Variants in RIPOR2 observed in about 807,000 individuals in gnomAD.
RIPOR2 encodes the protein rho family-interacting cell polarization regulator 2.
Under a neutral mutation model 114.5 loss-of-function variants are expected in RIPOR2, and 39 were observed. The observed-to-expected ratio is 0.34, with a 90% CI of 0.26 to 0.44. The LOEUF (loss-of-function observed/expected upper bound fraction) is 0.44, where lower values mean the gene tolerates loss of function less well. Ranked by LOEUF, RIPOR2 falls within the 20% of genes least tolerant of loss-of-function variation. The pLI is 1.00. For missense variants in RIPOR2, 1,007 were observed against 1,255.1 expected (o/e 0.80, Z 2.99); for synonymous variants, 445 against 484.4 (o/e 0.92, Z 1.07).
chr6:24,886,132 T>TACAC lies in RIPOR2; in HGVS notation c.62-10319_62-10316dup, dbSNP rs34756588. ...TTTACTTTGTCATTCCTCCTCCAAA[T>TACAC]ACACACACACACACACATTATTTTT... On this transcript the variant is annotated intron_variant, in intron 1 of 21. Transcript: ENST00000643898. Among the ~76,000 whole-genome samples, 1,196 of 151,248 alleles carry TACAC rather than the reference T, an allele frequency of 7.9e-3. 16 individuals are homozygous for TACAC. Among genetic ancestry groups the TACAC allele is most frequent in the African/African-American group, 0.025 (1,039 of 41,322 alleles).
chr6:24,840,052 C>T (rs1761531831), intron 13 of RIPOR2: 1 of 783,038 alleles, frequency 1.3e-6, no homozygotes, highest in South Asian at 5.5e-5. Context: ...CGGGCTTAAG[C>T]AATCCTCTCA....
At chr6:24,830,334 A>T (rs549525558) in intron 17 of RIPOR2, among the ~76,000 whole-genome samples, 175 bp downstream of exon 17, 2 of 152,290 alleles carry the variant, frequency 1.3e-5, no homozygotes, top group Non-Finnish European at 2.9e-5. Context: ...TTCTTTTCTT[A>T]AATCTGAGTA....
intron 1 of RIPOR2, among the ~76,000 whole-genome samples, chr6:24,926,301 G>A (rs1015332110): frequency 5.3e-5 from 8 of 152,194 alleles, no homozygotes; most frequent in Admixed American, 4.6e-4. Context: ...TACTGTTAAA[G>A]ATACGGTTAA....
chr6:24,870,794 G>A lies in RIPOR2; in HGVS notation c.447+72C>T, dbSNP rs186135449. 5.1e-4 allele frequency: 583 copies of A among 1,140,822 alleles called. 9 individuals are homozygous for A. The East Asian group carries it at 0.014, about 27-fold the overall frequency. 70.7% of individuals were successfully genotyped at this position (1,140,822 alleles called of 1,614,324 possible). A position where few individuals can be genotyped will look rare whatever the true frequency, so the allele number is the denominator to read the frequency against. ...CTCCCAAAGTGCTGGGATGACAGGCGTGAGCCACCGTGCCCAGCAAGGATG... is the reference window on the plus strand; with the variant it reads ...CTCCCAAAGTGCTGGGATGACAGGCATGAGCCACCGTGCCCAGCAAGGATG... On this transcript the variant is annotated intron_variant, in intron 5 of 21. Transcript: ENST00000643898.
intron 1 of RIPOR2, among the ~76,000 whole-genome samples, chr6:24,978,389 C>A (rs147484349): frequency 9.3e-4 from 141 of 152,180 alleles, no homozygotes; most frequent in African/African-American, 2.9e-3. Flanking sequence ...CCATACTGCT[C>A]GCATGAGTAT....
chr6:24,925,871 T>C (rs1019528792), intron 1 of RIPOR2, among the ~76,000 whole-genome samples: 3 of 152,206 alleles, frequency 2.0e-5, no homozygotes, highest in African/African-American at 7.2e-5. Flanking sequence ...TCTTTCTCTG[T>C]CCCATGTACA....
intron 1 of RIPOR2, among the ~76,000 whole-genome samples, chr6:24,884,259 A>C (rs2113940011): frequency 6.6e-6 from 1 of 152,092 alleles, no homozygotes; most frequent in East Asian, 1.9e-4. Flanking sequence ...AATACAAAAA[A>C]TTAGCCAGGC....
chr6:24,835,658 G>A (rs187056503), intron 15 of RIPOR2, 45 bp downstream of exon 15: 4 of 1,529,212 alleles, frequency 2.6e-6, no homozygotes, highest in Non-Finnish European at 3.5e-6. Context: ...TTCCTGGTAT[G>A]TAAATCACCT....
At chr6:24,846,713 T>C (rs1223705996) in intron 12 of RIPOR2, among the ~76,000 whole-genome samples, 1 of 152,188 alleles carries the variant, frequency 6.6e-6, no homozygotes, top group Non-Finnish European at 1.5e-5. Flanking sequence ...GTTTTATACA[T>C]CTGTGAAGAG....
rs1409233702 is a variant in RIPOR2 at position 24,848,143 on chromosome 6, A to G, written c.1046T>C (p.Val349Ala). 5.6e-6 allele frequency: 9 copies of G among 1,613,478 alleles called. No homozygotes were observed. Among genetic ancestry groups the G allele is most frequent in the Middle Eastern group, 1.7e-4 (1 of 6,060 alleles). Residue 349 changes from valine to alanine, a missense_variant, in exon 12 of 22, where the codon GTG (valine) becomes GCG (alanine). Transcript: ENST00000643898. ...NLEITWYPFD[V>A]EDMTASSGAG... ...GCCTGAGGATGCGGTCATGTCCTCC[A>G]CGTCAAATGGACTGCAAAACAACAG... is the stretch of plus-strand genomic sequence containing the variant.
chr6:24,854,301 T>C (rs1258441969), intron 8 of RIPOR2, among the ~76,000 whole-genome samples: 1 of 152,190 alleles, frequency 6.6e-6, no homozygotes, highest in African/African-American at 2.4e-5. Context: ...AATAGTTTCA[T>C]GGAGGAAAGT....
rs1306111591 is a variant in RIPOR2, at chr6:24,861,044, G to A, written c.652-8C>T. On this transcript the variant is annotated splice_polypyrimidine_tract_variant and splice_region_variant and intron_variant, in intron 7 of 21. Transcript: ENST00000643898. ...TTCAATGGTGCACATATTCTGCAAAGAGGACAGGAGACGATCATGAGAGCT... is the reference window on the plus strand; with the variant it reads ...TTCAATGGTGCACATATTCTGCAAAAAGGACAGGAGACGATCATGAGAGCT... 1 of 1,602,644 alleles carries A rather than the reference G, an allele frequency of 6.2e-7. No individual in the cohort carries two copies. Among genetic ancestry groups the A allele is most frequent in the South Asian group, 1.1e-5 (1 of 90,140 alleles).
chr6:24,811,657 C>CTTTTTTTTTTTTTTTTTTTTTTTT (rs1222503239), intron 20 of RIPOR2, among the ~76,000 whole-genome samples: 2 of 21,730 alleles, frequency 9.2e-5, no homozygotes, highest in Non-Finnish European at 1.4e-4. Context: ...TCGTTTAGTA[C>CTTTTTTTTTTTTTTTTTTTTTTTT]TTTTTTTTTT....
intron 1 of RIPOR2, among the ~76,000 whole-genome samples, chr6:24,927,117 T>C (rs1322289782): frequency 0.059 from 251 of 4,220 alleles, 114 homozygotes; most frequent in Admixed American, 0.16. Context: ...ACCATGATTA[T>C]TATAATCATC....
intron 13 of RIPOR2, among the ~76,000 whole-genome samples, chr6:24,841,864 C>T (rs1359288328): frequency 6.6e-6 from 1 of 151,994 alleles, no homozygotes; most frequent in African/African-American, 2.4e-5. Context: ...GTCATCTGCC[C>T]GCCTTGGCCT....
chr6:24,997,287 C>A (rs1775089079), intron 1 of RIPOR2, among the ~76,000 whole-genome samples: 1 of 152,094 alleles, frequency 6.6e-6, no homozygotes, highest in African/African-American at 2.4e-5. Flanking sequence ...ATTTAAAAAA[C>A]CTTTTCCTGT....
chr6:24,856,449 G>A (rs753537003), intron 8 of RIPOR2, among the ~76,000 whole-genome samples: 1 of 152,120 alleles, frequency 6.6e-6, no homozygotes, highest in Non-Finnish European at 1.5e-5. Context: ...AATCCAAAGT[G>A]CTCTTTAAAA....
intron 1 of RIPOR2, among the ~76,000 whole-genome samples, chr6:24,957,222 C>T (rs145301451): frequency 2.7e-5 from 4 of 150,642 alleles, no homozygotes; most frequent in Non-Finnish European, 5.9e-5. Flanking sequence ...AGACGTGTAA[C>T]GACTCTTTTT....
At chr6:24,956,271 T>G (rs1454498578) in intron 1 of RIPOR2, among the ~76,000 whole-genome samples, 1 of 152,196 alleles carries the variant, frequency 6.6e-6, no homozygotes, top group Non-Finnish European at 1.5e-5. Flanking sequence ...TTTTTCCCTC[T>G]TACAATAGAT....
Sources: gnomAD v4.1 joint callset for allele counts (sites outside exome capture counted in the v4.1 genomes callset) on GRCh38, gnomAD v4.1.1 for gene constraint, MANE v1.5 for transcripts, NCBI Gene and HGNC (gene_info 2026-07-23, HGNC 2026-07-21) for gene names.